ARHGEF18: variants seen among roughly 807,000 people sequenced by gnomAD.
ARHGEF18 encodes the protein Rho/Rac guanine nucleotide exchange factor 18.
A neutral mutation model predicts 155.7 loss-of-function variants in ARHGEF18; 93 were observed. The ratio of observed to expected loss-of-function variants is 0.60; its 90% CI spans 0.50 to 0.71. The LOEUF (loss-of-function observed/expected upper bound fraction) is 0.71, where lower values mean the gene tolerates loss of function less well. ARHGEF18 is among the 30% of genes least tolerant of loss of function. The pLI, the probability that ARHGEF18 is intolerant of heterozygous loss-of-function variation, is 0.00. For missense variants in ARHGEF18, 1,593 were observed against 1,816.1 expected (o/e 0.88, Z 2.23); for synonymous variants, 742 against 753.1 (o/e 0.99, Z 0.24).
At chr19:7,453,375 T>C in intron 16 of ARHGEF18, 92 bp from the exon 17 acceptor site, 1 of 1,373,568 alleles carries the variant, frequency 7.3e-7, no homozygotes. Context: ...TCCACACACC[T>C]CATAGATCCA....
rs374102178 is a variant in ARHGEF18 at position 7,470,613 on chromosome 19, G to A, written c.*315G>A. On this transcript the variant is annotated 3_prime_UTR_variant, in exon 29 of 29. Transcript: ENST00000668164. The surrounding 1 kb of genome is among the most constrained non-coding windows in gnomAD (Gnocchi z 5.9). ...AATCATAGCACCCCATCCGGGTGGCGGGGAGATCAACTCCGAGCTGTTTTT... is the reference window on the plus strand; with the variant it reads ...AATCATAGCACCCCATCCGGGTGGCAGGGAGATCAACTCCGAGCTGTTTTT... 7.6e-6 allele frequency: 3 copies of A among 397,164 alleles called. No homozygotes were observed. The highest frequency in any genetic ancestry group is 2.1e-5 in the African/African-American group (1 of 48,536). The allele number at this position is 397,164 out of a possible 1,614,324, so 24.6% of individuals were successfully genotyped here.
In ARHGEF18 at chr19:7,470,332, T is replaced by C. The variant is rs1976952358; in HGVS notation, c.*34T>C. ...TGACTCAAGGTGCAAGGCCCCTCCC[T>C]GCCCTGCCCACCCTTCCTGCTCTCT... is the stretch of plus-strand genomic sequence containing the variant. On this transcript the variant is annotated 3_prime_UTR_variant, in exon 29 of 29. Coordinates refer to ENST00000668164, the MANE Select transcript of ARHGEF18 (RefSeq NM_001367823.1). This position sits in a 1 kb window ranked among gnomAD's most constrained non-coding sequence, Gnocchi z 5.9. 1 of 1,366,628 alleles carries C rather than the reference T, an allele frequency of 7.3e-7. No homozygotes were observed. Among genetic ancestry groups the C allele is most frequent in the Non-Finnish European group, 9.6e-7 (1 of 1,039,452 alleles). The allele number at this position is 1,366,628 out of a possible 1,614,324, so 84.7% of individuals were successfully genotyped here.
intron 19 of ARHGEF18, among the ~76,000 whole-genome samples, chr19:7,459,393 T>C (rs868614058): frequency 5.8e-4 from 89 of 152,216 alleles, no homozygotes; most frequent in African/African-American, 2.0e-3. Context: ...GCTAGATTTT[T>C]TATTTTTGTA....
intron 2 of ARHGEF18, among the ~76,000 whole-genome samples, chr19:7,372,179 G>A (rs1970236368): frequency 6.6e-6 from 1 of 152,136 alleles, no homozygotes; most frequent in Admixed American, 6.5e-5. Context: ...GCCTGGAAAA[G>A]GACAATTCCT....
At chr19:7,350,143 G>A (rs1382856753) in intron 1 of ARHGEF18, among the ~76,000 whole-genome samples, 1 of 152,152 alleles carries the variant, frequency 6.6e-6, no homozygotes, top group Non-Finnish European at 1.5e-5. Flanking sequence ...TGGGAGGGGT[G>A]GGGGAGGAAG....
Position 7,372,953 on chromosome 19 carries a change from C to T in ARHGEF18, c.157C>T (p.Arg53Cys), listed in dbSNP as rs957773939. The T allele has an allele frequency of 3.1e-5, 38 of 1,234,448 alleles. No homozygotes were observed. Among genetic ancestry groups the T allele is most frequent in the Non-Finnish European group, 3.7e-5 (37 of 988,326 alleles). 76.5% of individuals were successfully genotyped at this position (1,234,448 alleles called of 1,614,324 possible). ...HSQPGETPDS[R>C]PTGEEPGRDS... ...CCAGCCTGGGGAGACCCCAGACAGCCGCCCCACCGGTGAAGAACCAGGAAG... is the reference window on the plus strand; with the variant it reads ...CCAGCCTGGGGAGACCCCAGACAGCTGCCCCACCGGTGAAGAACCAGGAAG... The change falls in exon 3 of 29, where the codon CGC becomes TGC. Residue 53 changes from arginine to cysteine, a missense_variant. Coordinates refer to ENST00000668164, the MANE Select transcript of ARHGEF18 (RefSeq NM_001367823.1).
Position 7,375,835 on chromosome 19 carries a change from T to C in ARHGEF18, c.391T>C (p.Ser131Pro). 8.1e-7 allele frequency: 1 copy of C among 1,234,420 alleles called. No individual in the cohort carries two copies. Among genetic ancestry groups the C allele is most frequent in the African/African-American group, 1.5e-5 (1 of 64,610 alleles). The allele number at this position is 1,234,420 out of a possible 1,614,324, so 76.5% of individuals were successfully genotyped here. ...GLKTWTQGCLSGGGTPAESPG... is the reference protein window; with the variant it reads ...GLKTWTQGCLPGGGTPAESPG... ...GAAGACCTGGACTCAAGGGTGTCTC[T>C]CTGGGGGCGGGACCCCCGCAGAGAG... Residue 131 changes from serine to proline, a missense_variant, in exon 4 of 29, where the codon TCT becomes CCT. By Grantham distance (74) the Ser-to-Pro change is moderately conservative. Transcript: ENST00000668164.
At chr19:7,354,959 C>T (rs773549886) in intron 1 of ARHGEF18, among the ~76,000 whole-genome samples, 1 of 151,854 alleles carries the variant, frequency 6.6e-6, no homozygotes, top group African/African-American at 2.4e-5. Context: ...TGTAGAAACA[C>T]AGAAACCCAG....
chr19:7,381,038 G>T, intron 8 of ARHGEF18, 44 bp downstream of exon 8: 1 of 1,220,448 alleles, frequency 8.2e-7, no homozygotes, highest in Non-Finnish European at 1.0e-6. Context: ...CCTTGGATTC[G>T]AACAAGTGTT....
At chr19:7,448,783 G>A (rs1229103423) in intron 15 of ARHGEF18, among the ~76,000 whole-genome samples, 1 of 152,078 alleles carries the variant, frequency 6.6e-6, no homozygotes, top group Non-Finnish European at 1.5e-5. Flanking sequence ...GTGGGTAGGT[G>A]CTCGAAGCCC....
At chr19:7,434,747 C>T (rs1279741910) in intron 10 of ARHGEF18, among the ~76,000 whole-genome samples, 1 of 152,206 alleles carries the variant, frequency 6.6e-6, no homozygotes, top group Non-Finnish European at 1.5e-5. Flanking sequence ...TTTTGCTCTC[C>T]TCCCACAGAA....
At chr19:7,393,288 C>G (rs995260942) in intron 10 of ARHGEF18, among the ~76,000 whole-genome samples, 1 of 152,122 alleles carries the variant, frequency 6.6e-6, no homozygotes, top group African/African-American at 2.4e-5. Flanking sequence ...AAGGCTAGTC[C>G]ACCTGGGGAC....
At chr19:7,383,364 G>T in intron 10 of ARHGEF18, 161 bp downstream of exon 10, 15 of 708,276 alleles carry the variant, frequency 2.1e-5, no homozygotes, top group South Asian at 7.2e-5. Context: ...TCAGTCCCTG[G>T]GCACAGGGAC....
At chr19:7,410,619 G>C (rs1972616535) in intron 10 of ARHGEF18, among the ~76,000 whole-genome samples, 2 of 151,704 alleles carry the variant, frequency 1.3e-5, no homozygotes, top group South Asian at 4.2e-4. Flanking sequence ...AGACCAGCCT[G>C]GCCAACACGG....
intron 10 of ARHGEF18, among the ~76,000 whole-genome samples, chr19:7,424,082 A>G (rs1026632706): frequency 1.3e-5 from 2 of 151,722 alleles, no homozygotes; most frequent in Non-Finnish European, 2.9e-5. Flanking sequence ...TGGACAGTGC[A>G]ATGGCGTGAT....
intron 10 of ARHGEF18, among the ~76,000 whole-genome samples, chr19:7,399,398 G>T (rs1030847537): frequency 2.0e-5 from 3 of 152,100 alleles, no homozygotes; most frequent in African/African-American, 4.8e-5. Context: ...GTCAGAGATA[G>T]ATTCATAGTT....
intron 18 of ARHGEF18, among the ~76,000 whole-genome samples, chr19:7,457,623 A>G (rs1975929151): frequency 6.6e-6 from 1 of 151,922 alleles, no homozygotes; most frequent in Admixed American, 6.6e-5. Context: ...TCAGCCTCCC[A>G]AAGTGCTGGG....
rs1969573500 is a variant in ARHGEF18, at chr19:7,361,997, A to AGAAGAAGAAGAAGAG, written c.-110-770_-110-769insGGAAGAAGAAGAAGA. On this transcript the variant is annotated intron_variant, in intron 1 of 28. Coordinates refer to ENST00000668164, the MANE Select transcript of ARHGEF18 (RefSeq NM_001367823.1). ...CAACAGAGCAAGACTCTGTGGAAGA[A>AGAAGAAGAAGAAGAG]GAAGAAGAAGAAGAAGAAGGAGAAG... is the stretch of plus-strand genomic sequence containing the variant. Among the ~76,000 whole-genome samples, 52 of 43,870 alleles carry AGAAGAAGAAGAAGAG rather than the reference A, an allele frequency of 1.2e-3. 3 individuals are homozygous for AGAAGAAGAAGAAGAG. The highest frequency in any genetic ancestry group is 8.7e-3 in the East Asian group (9 of 1,034). 28.8% of individuals were successfully genotyped at this position (43,870 alleles called of 152,430 possible).
intron 10 of ARHGEF18, among the ~76,000 whole-genome samples, chr19:7,401,198 A>G (rs2145569704): frequency 6.6e-6 from 1 of 152,268 alleles, no homozygotes; most frequent in Admixed American, 6.5e-5. Context: ...TCAGCTCTGT[A>G]GCGCTGACAA....
Sources: allele counts gnomAD v4.1 joint callset (sites outside exome capture counted in the v4.1 genomes callset), GRCh38; gene constraint gnomAD v4.1.1; non-coding constraint Gnocchi (gnomAD v3.1); transcripts MANE v1.5; gene names NCBI Gene and HGNC (gene_info 2026-07-23, HGNC 2026-07-21).